ZFAND6: variants seen among roughly 807,000 people sequenced by gnomAD.
ZFAND6 encodes AN1-type zinc finger protein 6.
In ZFAND6, 12 loss-of-function variants were observed where a neutral mutation model predicts 24.5. That is an observed-to-expected ratio of 0.49 (90% CI 0.31 to 0.79). ZFAND6 has a LOEUF of 0.79. Among genes scored for constraint, ZFAND6 ranks in the 30% least tolerant of loss-of-function variants. The pLI is 0.04. For synonymous variants in ZFAND6, 92 were observed against 81.5 expected, an observed-to-expected ratio of 1.13 and a Z score of -0.69; for missense variants, 207 against 245.9, an observed-to-expected ratio of 0.84 and a Z score of 1.06.
chr15:80,090,939 C>CA (rs1297497425), intron 1 of ZFAND6, among the ~76,000 whole-genome samples: 5 of 152,116 alleles, frequency 3.3e-5, no homozygotes. Context: ...GGAAGTAGCA[C>CA]AAAAATTTGA....
intron 2 of ZFAND6, among the ~76,000 whole-genome samples, chr15:80,108,256 ACATT>A (rs1179961202): frequency 2.0e-5 from 3 of 152,222 alleles, no homozygotes; most frequent in African/African-American, 7.2e-5. Context: ...TTAGGGAAGG[ACATT>A]CATTTACAAT....
intron 1 of ZFAND6, among the ~76,000 whole-genome samples, chr15:80,063,460 C>T (rs1363608364): frequency 6.6e-6 from 1 of 151,990 alleles, no homozygotes; most frequent in Non-Finnish European, 1.5e-5. Flanking sequence ...GGTGCGATCT[C>T]AGCTCACCGC....
At chr15:80,095,350 A>G (rs2038655762) in intron 1 of ZFAND6, among the ~76,000 whole-genome samples, 1 of 152,210 alleles carries the variant, frequency 6.6e-6, no homozygotes, top group Non-Finnish European at 1.5e-5. Flanking sequence ...TAGGAGGCAC[A>G]TGTCCACTTG....
chr15:80,064,187 T>C (rs543226334), intron 1 of ZFAND6, among the ~76,000 whole-genome samples: 2 of 152,384 alleles, frequency 1.3e-5, no homozygotes, highest in South Asian at 4.1e-4. Context: ...CTTTCGGATC[T>C]AGTCTGTCTT....
chr15:80,107,651 C>G (rs556331776), intron 2 of ZFAND6, among the ~76,000 whole-genome samples: 31 of 152,100 alleles, frequency 2.0e-4, no homozygotes, highest in African/African-American at 7.2e-4. Context: ...ATGGTGAAAC[C>G]CTGTCTCTCC....
At chr15:80,068,801 A>G (rs933862272) in intron 1 of ZFAND6, among the ~76,000 whole-genome samples, 1 of 152,234 alleles carries the variant, frequency 6.6e-6, no homozygotes, top group Admixed American at 6.5e-5. Context: ...AGAAAACCAC[A>G]TGTGGCTCTC....
intron 5 of ZFAND6, among the ~76,000 whole-genome samples, chr15:80,127,455 T>G (rs2866369): frequency 0.68 from 103,231 of 151,718 alleles, 35,518 homozygotes; most frequent in Admixed American, 0.79. Context: ...GGCTGTGATG[T>G]CATGCGCCTG....
At chr15:80,063,888 A>G (rs1215902344) in intron 1 of ZFAND6, among the ~76,000 whole-genome samples, 1 of 152,138 alleles carries the variant, frequency 6.6e-6, no homozygotes, top group Admixed American at 6.5e-5. Flanking sequence ...GCGTTTCACC[A>G]TGTTGGCCAG....
intron 2 of ZFAND6, among the ~76,000 whole-genome samples, chr15:80,100,801 G>T (rs1206802896): frequency 6.6e-6 from 1 of 152,136 alleles, no homozygotes; most frequent in Non-Finnish European, 1.5e-5. Context: ...CATGTAACAT[G>T]GTCATGTACA....
chr15:80,103,520 A>G (rs912685028), intron 2 of ZFAND6, among the ~76,000 whole-genome samples: 2 of 152,200 alleles, frequency 1.3e-5, no homozygotes, highest in Admixed American at 6.5e-5. Context: ...TTCATGGTAT[A>G]GTATATCAGC....
chr15:80,083,116 C>G (rs779609868), intron 1 of ZFAND6, among the ~76,000 whole-genome samples: 1 of 152,074 alleles, frequency 6.6e-6, no homozygotes, highest in African/African-American at 2.4e-5. Context: ...CTCAGCCTCC[C>G]GAGTAGCTGG....
At chr15:80,123,930 C>CT (rs879715779) in intron 5 of ZFAND6, among the ~76,000 whole-genome samples, 44 of 151,936 alleles carry the variant, frequency 2.9e-4, no homozygotes, top group Non-Finnish European at 5.6e-4. Context: ...GTTCCTCTTG[C>CT]TTTTTTTTCA....
rs376836239 is a variant in ZFAND6 at position 80,117,214 on chromosome 15, T to A, written c.-17-3114T>A. 1.1e-4 allele frequency among the ~76,000 whole-genome samples: 17 copies of A among 152,142 alleles called. No individual in the cohort carries two copies. In the East Asian group the frequency reaches 3.3e-3, roughly 29 times the overall value. ...TGCACTTTGTTCATTTACAAAAATATCTACTGAATACTCTTTTTTTTTTTT... is the reference window on the plus strand; with the variant it reads ...TGCACTTTGTTCATTTACAAAAATAACTACTGAATACTCTTTTTTTTTTTT... On this transcript the variant is annotated intron_variant, in intron 2 of 6. Coordinates refer to ENST00000261749, the MANE Select transcript of ZFAND6 (RefSeq NM_019006.4).
chr15:80,099,618 C>CT lies in ZFAND6; in HGVS notation c.-18+1056dup, dbSNP rs3082079. 5.4e-3 allele frequency among the ~76,000 whole-genome samples: 587 copies of CT among 109,182 alleles called. 29 individuals carry two copies. The East Asian group carries it at 0.071, about 13-fold the overall frequency. 71.6% of individuals were successfully genotyped at this position (109,182 alleles called of 152,430 possible). ...AGAATACACACTGAATATGGATATCCTTTTTTTTTTTTTTTTCGAGACGGA... is the reference window on the plus strand; with the variant it reads ...AGAATACACACTGAATATGGATATCCTTTTTTTTTTTTTTTTTCGAGACGGA... On this transcript the variant is annotated intron_variant, in intron 2 of 6. Coordinates refer to ENST00000261749, the MANE Select transcript of ZFAND6 (RefSeq NM_019006.4).
intron 1 of ZFAND6, among the ~76,000 whole-genome samples, chr15:80,085,584 CA>C (rs1013916353): frequency 1.3e-5 from 2 of 151,814 alleles, no homozygotes; most frequent in Non-Finnish European, 2.9e-5. Flanking sequence ...TAGGCAAAAA[CA>C]AAAAACACTC....
intron 1 of ZFAND6, among the ~76,000 whole-genome samples, chr15:80,070,258 G>A (rs910583987): frequency 6.6e-6 from 1 of 152,270 alleles, no homozygotes; most frequent in Non-Finnish European, 1.5e-5. Flanking sequence ...ATTGTTTTTA[G>A]CTGATAAGAT....
intron 2 of ZFAND6, among the ~76,000 whole-genome samples, chr15:80,117,365 G>C (rs1200729810): frequency 2.0e-5 from 3 of 152,156 alleles, no homozygotes; most frequent in African/African-American, 7.2e-5. Context: ...TGGGATTACA[G>C]GCTCCTGCCG....
At chr15:80,114,615 GTGAC>G (rs2141994612) in intron 2 of ZFAND6, among the ~76,000 whole-genome samples, 1 of 152,266 alleles carries the variant, frequency 6.6e-6, no homozygotes, top group South Asian at 2.1e-4. Context: ...TTGGAACATG[GTGAC>G]TTACCTTTAG....
At chr15:80,062,958 A>G (rs2036413612) in intron 1 of ZFAND6, among the ~76,000 whole-genome samples, 1 of 152,212 alleles carries the variant, frequency 6.6e-6, no homozygotes, top group Admixed American at 6.5e-5. Context: ...TATTTCATAT[A>G]AGATGATAAT....
Sources: allele counts gnomAD v4.1 joint callset (sites outside exome capture counted in the v4.1 genomes callset), GRCh38; gene constraint gnomAD v4.1.1; transcripts MANE v1.5; gene names NCBI Gene and HGNC (gene_info 2026-07-23, HGNC 2026-07-21).